MGMT: variants seen among roughly 807,000 people sequenced by gnomAD.
The protein encoded by MGMT is O-6-methylguanine-DNA methyltransferase.
In MGMT, 14 loss-of-function variants were observed where a neutral mutation model predicts 15.9. That is an observed-to-expected ratio of 0.88 (90% CI 0.58 to 1.37). MGMT has a LOEUF of 1.37. MGMT is among the 40% of genes most tolerant of loss of function. The pLI, the probability that MGMT is intolerant of heterozygous loss-of-function variation, is 0.00. For synonymous variants in MGMT, 130 were observed against 118.2 expected, an observed-to-expected ratio of 1.10 and a Z score of -0.65; for missense variants, 282 against 268.1, an observed-to-expected ratio of 1.05 and a Z score of -0.36.
At chr10:129,725,385 T>C (rs1218524303) in intron 3 of MGMT, among the ~76,000 whole-genome samples, 1 of 152,242 alleles carries the variant, frequency 6.6e-6, no homozygotes, top group Non-Finnish European at 1.5e-5. Flanking sequence ...TCCATGTCAG[T>C]AGCCGTGGAT....
At position 129,643,906 on chromosome 10, in the gene MGMT, G is replaced by GT. The variant is rs557771826; in HGVS notation, c.126-63981dup. 4.7e-4 allele frequency among the ~76,000 whole-genome samples: 72 copies of GT among 152,108 alleles called. 1 individual carries two copies. The highest frequency in any genetic ancestry group is 1.1e-3 in the African/African-American group (44 of 41,498). ...GGATATGATGGTAACCTGGCTTGAG[G>GT]TTTTTTTTCATCTCTTTCCCAAACT... On this transcript the variant is annotated intron_variant, in intron 2 of 4. Transcript: ENST00000651593.
At chr10:129,626,727 C>T (rs547785781) in intron 2 of MGMT, among the ~76,000 whole-genome samples, 88 of 152,360 alleles carry the variant, frequency 5.8e-4, no homozygotes, top group Middle Eastern at 6.8e-3. Flanking sequence ...CATTTTCTGC[C>T]TCTGATAACA....
chr10:129,735,257 A>C (rs1848546856), intron 3 of MGMT, among the ~76,000 whole-genome samples: 1 of 152,124 alleles, frequency 6.6e-6, no homozygotes, highest in Non-Finnish European at 1.5e-5. Flanking sequence ...TGGTCTATTC[A>C]GAGATTCAAC....
At chr10:129,493,221 G>T (rs566634252) in intron 1 of MGMT, among the ~76,000 whole-genome samples, 28 of 152,152 alleles carry the variant, frequency 1.8e-4, no homozygotes, top group South Asian at 6.2e-4. Context: ...GAACCAGGGG[G>T]TCTCAAGGCA....
At chr10:129,496,354 T>A (rs1419092152) in intron 1 of MGMT, among the ~76,000 whole-genome samples, 2 of 152,112 alleles carry the variant, frequency 1.3e-5, no homozygotes, top group Non-Finnish European at 2.9e-5. Flanking sequence ...TAAGTACATC[T>A]TAAAATTGAT....
intron 2 of MGMT, among the ~76,000 whole-genome samples, chr10:129,561,206 T>G (rs1053591338): frequency 3.3e-5 from 5 of 152,180 alleles, no homozygotes; most frequent in African/African-American, 1.2e-4. Context: ...CTTACTATAT[T>G]ATTAGTTACT....
At chr10:129,625,527 G>T (rs921670830) in intron 2 of MGMT, among the ~76,000 whole-genome samples, 1 of 152,190 alleles carries the variant, frequency 6.6e-6, no homozygotes, top group Non-Finnish European at 1.5e-5. Flanking sequence ...TTCCAGTGGG[G>T]TTTATTCCAT....
intron 1 of MGMT, among the ~76,000 whole-genome samples, chr10:129,495,717 G>A (rs1045010795): frequency 6.6e-6 from 1 of 152,142 alleles, no homozygotes; most frequent in African/African-American, 2.4e-5. Flanking sequence ...ATGGAATCTG[G>A]CCCGTCCTAG....
At chr10:129,764,348 A>T (rs1848909186) in intron 4 of MGMT, among the ~76,000 whole-genome samples, 1 of 152,026 alleles carries the variant, frequency 6.6e-6, no homozygotes, top group Non-Finnish European at 1.5e-5. Flanking sequence ...GGCTTCCCCC[A>T]CCTCCCTCGG....
At chr10:129,725,634 G>A (rs958790069) in intron 3 of MGMT, among the ~76,000 whole-genome samples, 1 of 152,220 alleles carries the variant, frequency 6.6e-6, no homozygotes, top group African/African-American at 2.4e-5. Flanking sequence ...GCCCAGGGCT[G>A]GGGTCTGCCC....
intron 3 of MGMT, among the ~76,000 whole-genome samples, chr10:129,746,689 A>G (rs1486868685): frequency 2.0e-5 from 3 of 152,140 alleles, no homozygotes; most frequent in Non-Finnish European, 2.9e-5. Context: ...AACTCCATCA[A>G]TACTCCAACA....
intron 2 of MGMT, among the ~76,000 whole-genome samples, chr10:129,687,781 T>C (rs966453378): frequency 3.3e-5 from 5 of 152,052 alleles, no homozygotes; most frequent in East Asian, 3.9e-4. Context: ...ATGTGCCATG[T>C]TGGTGTGCTG....
intron 2 of MGMT, among the ~76,000 whole-genome samples, chr10:129,671,988 A>G (rs747767549): frequency 3.3e-5 from 5 of 152,236 alleles, no homozygotes; most frequent in African/African-American, 4.8e-5. Flanking sequence ...TATACTTCAC[A>G]TCCTTTATAT....
intron 1 of MGMT, among the ~76,000 whole-genome samples, chr10:129,489,139 TC>T (rs1845441811): frequency 6.6e-6 from 1 of 151,998 alleles, no homozygotes; most frequent in African/African-American, 2.4e-5. Flanking sequence ...GGTGGGCAGA[TC>T]ATGAGTTCAG....
chr10:129,620,979 A>C (rs1363417923), intron 2 of MGMT, among the ~76,000 whole-genome samples: 1 of 151,978 alleles, frequency 6.6e-6, no homozygotes, highest in Non-Finnish European at 1.5e-5. Flanking sequence ...TTAGTACAGT[A>C]CTTTTTGTTA....
At chr10:129,710,474 G>T (rs747953918) in intron 3 of MGMT, among the ~76,000 whole-genome samples, 12 of 152,186 alleles carry the variant, frequency 7.9e-5, no homozygotes, top group Non-Finnish European at 1.6e-4. Flanking sequence ...TGGTTGCTGT[G>T]GGGGCTGGGA....
chr10:129,741,204 C>A (rs930941720), intron 3 of MGMT, among the ~76,000 whole-genome samples: 12 of 152,180 alleles, frequency 7.9e-5, no homozygotes, highest in Non-Finnish European at 1.2e-4. Context: ...TAGTTTTGGA[C>A]CCAGGTGAGT....
At chr10:129,676,322 G>A (rs1036366407) in intron 2 of MGMT, among the ~76,000 whole-genome samples, 2 of 152,182 alleles carry the variant, frequency 1.3e-5, no homozygotes, top group Non-Finnish European at 2.9e-5. Context: ...CTCGGTGTGG[G>A]CGGCACCCAC....
rs756743887 is a variant in MGMT, at chr10:129,759,277, T to A, written c.350T>A (p.Leu117Ter). The A allele has an allele frequency of 6.2e-7, 1 of 1,614,162 alleles. No individual in the cohort carries two copies. The highest frequency in any genetic ancestry group is 8.5e-7 in the Non-Finnish European group (1 of 1,180,032). ...GGAGAAGTGATTTCTTACCAGCAAT[T>A]AGCAGCCCTGGCAGGCAACCCCAAA... Reference protein sequence around the residue: ...KFGEVISYQQLAALAGNPKAA... With the variant: ...KFGEVISYQQ The change falls in exon 4 of 5, where the codon TTA (leucine) becomes TAA (stop). Residue 117 changes from leucine (L) to a stop codon, truncating the protein, a stop_gained. Transcript: ENST00000651593. LOFTEE classifies it high-confidence loss of function.
Sources: allele counts gnomAD v4.1 joint callset (sites outside exome capture counted in the v4.1 genomes callset), GRCh38; gene constraint gnomAD v4.1.1; transcripts MANE v1.5; gene names NCBI Gene and HGNC (gene_info 2026-07-23, HGNC 2026-07-21).